Variants in NUDT4 observed in about 807,000 individuals in gnomAD.
The protein encoded by NUDT4 is diphosphoinositol polyphosphate phosphohydrolase 2.
A neutral mutation model predicts 23.1 loss-of-function variants in NUDT4; 5 were observed. That is an observed-to-expected ratio of 0.22 (90% CI 0.11 to 0.46). The LOEUF is 0.46. Ranked by LOEUF, NUDT4 falls within the 20% of genes least tolerant of loss-of-function variation. The probability of loss-of-function intolerance (pLI) is 0.99; values close to 1 mark genes in which losing one functional copy is unlikely to be tolerated. For missense variants in NUDT4, 96 were observed against 211.6 expected (o/e 0.45, Z 3.39); for synonymous variants, 50 against 79.0 (o/e 0.63, Z 1.95).
chr12:93,407,300 T>G lies in NUDT4; in HGVS notation c.*7921T>G, dbSNP rs894872868. The G allele has an allele frequency of 6.6e-6, 1 of 152,234 alleles. No homozygotes were observed. Among genetic ancestry groups the G allele is most frequent in the Non-Finnish European group, 1.5e-5 (1 of 68,100 alleles). 9.4% of individuals were successfully genotyped at this position (152,234 alleles called of 1,614,324 possible). On this transcript the variant is annotated 3_prime_UTR_variant, in exon 5 of 5. Transcript: ENST00000415493. ...GTTACTTCTCTTTTCCATGACAGAG[T>G]TACAACTATTTGTCTGTCCCCCTTC...
At chr12:93,397,601 A>G (rs1877025378) in intron 3 of NUDT4, among the ~76,000 whole-genome samples, 1 of 151,976 alleles carries the variant, frequency 6.6e-6, no homozygotes, top group South Asian at 2.1e-4. Flanking sequence ...ATCTGGGCTC[A>G]TCGCCACGTC....
chr12:93,394,758 T>TA (rs1645645892), intron 2 of NUDT4, 39 bp downstream of exon 2: 2 of 1,316,076 alleles, frequency 1.5e-6, no homozygotes, highest in South Asian at 2.5e-5. Flanking sequence ...TTCGGAGTTT[T>TA]AAAAACAAGG....
In NUDT4 at chr12:93,385,252, G is replaced by A. The variant is rs1003539468; in HGVS notation, c.99+6831G>A. On this transcript the variant is annotated intron_variant, in intron 1 of 4. Coordinates refer to ENST00000415493, the MANE Select transcript of NUDT4 (RefSeq NM_019094.6). Reference sequence around the variant, plus strand: ...TAGTAGGAAGAAAGAATGCTTATGCGAAGATAGGTTGAATAGAGTAGGAAG... The same window carrying A: ...TAGTAGGAAGAAAGAATGCTTATGCAAAGATAGGTTGAATAGAGTAGGAAG... 5.9e-5 allele frequency: 9 copies of A among 152,312 alleles called. 1 individual carries two copies. The highest frequency in any genetic ancestry group is 1.9e-4 in the East Asian group (1 of 5,194). The allele number at this position is 152,312 out of a possible 1,614,324, so 9.4% of individuals were successfully genotyped here.
intron 1 of NUDT4, among the ~76,000 whole-genome samples, chr12:93,382,707 C>T (rs1171591786): frequency 9.2e-6 from 1 of 108,890 alleles, no homozygotes; most frequent in African/African-American, 3.3e-5. Context: ...GACAGAGTCT[C>T]GCTCTGTCCT....
Position 93,394,711 on chromosome 12 carries a change from T to C in NUDT4, c.202T>C (p.Tyr68His). 2 of 1,542,024 alleles carry C rather than the reference T, an allele frequency of 1.3e-6. No individual in the cohort carries two copies. Among genetic ancestry groups the C allele is most frequent in the Non-Finnish European group, 1.8e-6 (2 of 1,137,530 alleles). The change falls in exon 2 of 5, where the codon TAT becomes CAT. Residue 68 changes from tyrosine (Y) to histidine (H), a missense_variant. Tyr to His is a moderately conservative substitution (Grantham distance 83). Transcript: ENST00000415493. ...TGGCGGTGCTGCCGTGAGGGAAGTTTATGAGGAGGTGAGATGTTCTTTCAC... is the reference window on the plus strand; with the variant it reads ...TGGCGGTGCTGCCGTGAGGGAAGTTCATGAGGAGGTGAGATGTTCTTTCAC... ...EPGGAAVREV[Y>H]EEAGVKGKLG...
At position 93,386,436 on chromosome 12, in the gene NUDT4, C is replaced by T. The variant is rs1445955413; in HGVS notation, c.99+8015C>T. On this transcript the variant is annotated intron_variant, in intron 1 of 4. Transcript: ENST00000415493. ...CACTAAAAATACAAAAAAAATGAGC[C>T]GAGCATGGTGGTGTGTACCTGTAAT... is the stretch of plus-strand genomic sequence containing the variant. 3.3e-5 allele frequency among the ~76,000 whole-genome samples: 5 copies of T among 151,982 alleles called. No homozygotes were observed. In the South Asian group the frequency reaches 8.3e-4, roughly 25 times the overall value.
chr12:93,391,928 G>A (rs1005758678), intron 1 of NUDT4, among the ~76,000 whole-genome samples: 5 of 151,980 alleles, frequency 3.3e-5, no homozygotes, highest in Non-Finnish European at 7.3e-5. Context: ...CCATTGCCCA[G>A]GCTGAAGTGC....
chr12:93,386,347 T>A (rs4761710), intron 1 of NUDT4, among the ~76,000 whole-genome samples: 18,341 of 151,712 alleles, frequency 0.12, 1,491 homozygotes, highest in East Asian at 0.43. Context: ...GAGGCCGAGG[T>A]GGGTGGATCA....
In NUDT4 at chr12:93,398,800, TTATGTTC is replaced by T. The variant is rs1201001424; in HGVS notation, c.288_294del (p.Tyr96Ter). The T allele has an allele frequency of 2.5e-6, 4 of 1,606,318 alleles. No individual in the cohort carries two copies. Among genetic ancestry groups the T allele is most frequent in the Non-Finnish European group, 3.4e-6 (4 of 1,173,910 alleles). On this transcript the variant is annotated frameshift_variant, in exon 4 of 5. Coordinates refer to ENST00000415493, the MANE Select transcript of NUDT4 (RefSeq NM_019094.6). LOFTEE classifies it high-confidence loss of function. ...AAGACCGAAAGCACAGAACATATGT[TTATGTTC>T]TAACAGTCACTGAAATATTAGAAGA...
At chr12:93,379,092 G>A (rs906874331) in intron 1 of NUDT4, among the ~76,000 whole-genome samples, 3 of 152,182 alleles carry the variant, frequency 2.0e-5, no homozygotes, top group Admixed American at 1.3e-4. Flanking sequence ...GGGCAAAGCT[G>A]CCATTTTCAG....
chr12:93,396,834 C>T (rs7297440), intron 3 of NUDT4, among the ~76,000 whole-genome samples: 19,287 of 152,116 alleles, frequency 0.13, 1,382 homozygotes, highest in Admixed American at 0.2. Flanking sequence ...GGCTTGAACC[C>T]GGGAGGTGGA....
intron 1 of NUDT4, chr12:93,385,165 G>A (rs1309168286): frequency 6.6e-6 from 1 of 152,202 alleles, no homozygotes. Flanking sequence ...AGTGCCAGGT[G>A]AGTGGTGTTT....
chr12:93,398,133 G>A lies in NUDT4; in HGVS notation c.256-638G>A, dbSNP rs144870609. Among the ~76,000 whole-genome samples the A allele has an allele frequency of 4.3e-3, 652 of 151,796 alleles. 5 individuals carry two copies. The highest frequency in any genetic ancestry group is 0.015 in the African/African-American group (630 of 41,408). On this transcript the variant is annotated intron_variant, in intron 3 of 4. Coordinates refer to ENST00000415493, the MANE Select transcript of NUDT4 (RefSeq NM_019094.6). ...CGAGGTGGGTGGATCATGAGGTCAG[G>A]GTTTAAGACCATCCTGACCAACATG...
At chr12:93,395,970 C>T (rs756935058) in intron 3 of NUDT4, among the ~76,000 whole-genome samples, 25 of 152,190 alleles carry the variant, frequency 1.6e-4, no homozygotes, top group Admixed American at 7.2e-4. Flanking sequence ...CCGCCCACCT[C>T]GGCCTCCCAA....
At position 93,407,742 on chromosome 12, in the gene NUDT4, G is replaced by C. The variant is rs904530589; in HGVS notation, c.*8363G>C. The C allele has an allele frequency of 4.6e-5, 7 of 152,176 alleles. No individual in the cohort carries two copies. Among genetic ancestry groups the C allele is most frequent in the African/African-American group, 1.4e-4 (6 of 41,438 alleles). The allele number at this position is 152,176 out of a possible 1,614,324, so 9.4% of individuals were successfully genotyped here. On this transcript the variant is annotated 3_prime_UTR_variant, in exon 5 of 5. Transcript: ENST00000415493. ...TTAACCAGCCACACTGTGTGGGCCA[G>C]GGAAAACAGGCCCAAAGGCCAGGTG...
chr12:93,394,890 C>T (rs1312770455), intron 2 of NUDT4, among the ~76,000 whole-genome samples, 171 bp downstream of exon 2: 1 of 151,946 alleles, frequency 6.6e-6, no homozygotes, highest in African/African-American at 2.4e-5. Context: ...GCTCTGTTGC[C>T]AGGCCTGGAG....
At chr12:93,392,252 C>CCG (rs1555193898) in intron 1 of NUDT4, among the ~76,000 whole-genome samples, 2 of 139,212 alleles carry the variant, frequency 1.4e-5, no homozygotes, top group African/African-American at 5.2e-5. Context: ...TTCCCCCCCC[C>CCG]CCTTTTTTTT....
chr12:93,388,587 A>G (rs1470442135), intron 1 of NUDT4, among the ~76,000 whole-genome samples: 1 of 152,242 alleles, frequency 6.6e-6, no homozygotes. Flanking sequence ...TGAAGATTGT[A>G]AAGACAAAAG....
intron 1 of NUDT4, chr12:93,385,227 T>G (rs967475822): frequency 1.3e-5 from 2 of 151,922 alleles, no homozygotes; most frequent in African/African-American, 4.8e-5. Flanking sequence ...TTTAGTAGAG[T>G]AGTAGGAAGA....
Sources: gnomAD v4.1 joint callset for allele counts (sites outside exome capture counted in the v4.1 genomes callset) on GRCh38, gnomAD v4.1.1 for gene constraint, MANE v1.5 for transcripts, NCBI Gene and HGNC (gene_info 2026-07-23, HGNC 2026-07-21) for gene names.